The following NEGR1 variants were observed in gnomAD, a reference collection of about 807,000 sequenced individuals.
NEGR1 encodes the protein neuronal growth regulator 1.
A neutral mutation model predicts 40.9 loss-of-function variants in NEGR1; 10 were observed. The observed-to-expected ratio is 0.24, with a 90% CI of 0.15 to 0.42. The LOEUF is 0.42. NEGR1 is among the 10% of genes least tolerant of loss of function. The pLI is 1.00. For synonymous variants in NEGR1, 185 were observed against 166.8 expected (o/e 1.11, Z -0.84); for missense variants, 352 against 438.9 (o/e 0.80, Z 1.77).
chr1:72,082,681 C>T (rs1569933669), intron 1 of NEGR1, among the ~76,000 whole-genome samples: 1 of 150,760 alleles, frequency 6.6e-6, no homozygotes, highest in East Asian at 1.9e-4. Flanking sequence ...AACAACAAAA[C>T]CACAATTAGA....
intron 6 of NEGR1, among the ~76,000 whole-genome samples, chr1:71,570,044 T>C (rs1648760943): frequency 6.6e-6 from 1 of 152,220 alleles, no homozygotes; most frequent in South Asian, 2.1e-4. Context: ...TCTTGATGCC[T>C]ATTTCCTTAA....
intron 4 of NEGR1, among the ~76,000 whole-genome samples, chr1:71,626,325 A>G (rs1171684403): frequency 6.6e-6 from 1 of 151,608 alleles, no homozygotes; most frequent in Non-Finnish European, 1.5e-5. Context: ...CTCGTCATTT[A>G]ATATTAGGTA....
intron 4 of NEGR1, among the ~76,000 whole-genome samples, chr1:71,634,514 G>C (rs774165964): frequency 3.3e-5 from 5 of 152,122 alleles, no homozygotes; most frequent in Admixed American, 6.6e-5. Flanking sequence ...TTCAGCCAAG[G>C]CTGCAGGATG....
At chr1:72,277,990 T>C (rs1444244194) in intron 1 of NEGR1, among the ~76,000 whole-genome samples, 2 of 152,160 alleles carry the variant, frequency 1.3e-5, no homozygotes, top group Non-Finnish European at 2.9e-5. Context: ...CTAGTTAATG[T>C]AGTCTAATAA....
At chr1:71,824,067 T>C (rs141770852) in intron 2 of NEGR1, among the ~76,000 whole-genome samples, 2 of 151,920 alleles carry the variant, frequency 1.3e-5, no homozygotes, top group Non-Finnish European at 2.9e-5. Context: ...TCCTTAAACA[T>C]AAAATATAAT....
At chr1:72,026,645 T>C (rs557104089) in intron 1 of NEGR1, among the ~76,000 whole-genome samples, 7 of 152,074 alleles carry the variant, frequency 4.6e-5, no homozygotes, top group South Asian at 4.1e-4. Flanking sequence ...TCTCCTGAAA[T>C]AGCCCTGGAA....
chr1:72,179,499 T>C (rs527289845), intron 1 of NEGR1, among the ~76,000 whole-genome samples: 35 of 152,230 alleles, frequency 2.3e-4, no homozygotes, highest in Non-Finnish European at 5.0e-4. Flanking sequence ...GGTGAAATGC[T>C]CAGAACAGTG....
intron 1 of NEGR1, among the ~76,000 whole-genome samples, chr1:72,153,945 A>G (rs927926728): frequency 6.6e-6 from 1 of 151,930 alleles, no homozygotes; most frequent in Non-Finnish European, 1.5e-5. Context: ...AGTATAGTAG[A>G]AAGCAGATGG....
At chr1:71,509,068 C>G (rs1302315875) in intron 6 of NEGR1, among the ~76,000 whole-genome samples, 1 of 152,022 alleles carries the variant, frequency 6.6e-6, no homozygotes, top group Admixed American at 6.6e-5. Context: ...AAAAGTGAAC[C>G]TTAGAAATTG....
chr1:71,588,154 T>C (rs1284273029), intron 6 of NEGR1, among the ~76,000 whole-genome samples: 1 of 152,120 alleles, frequency 6.6e-6, no homozygotes, highest in Non-Finnish European at 1.5e-5. Flanking sequence ...AACCCATAGA[T>C]GGCAGGATGG....
At chr1:71,503,267 C>G (rs1647010652) in intron 6 of NEGR1, among the ~76,000 whole-genome samples, 1 of 152,044 alleles carries the variant, frequency 6.6e-6, no homozygotes. Context: ...TAATAAAATC[C>G]CATCCTCATA....
chr1:71,491,514 T>C (rs1646927262), intron 6 of NEGR1, among the ~76,000 whole-genome samples: 1 of 151,542 alleles, frequency 6.6e-6, no homozygotes, highest in African/African-American at 2.4e-5. Context: ...GAAAGTGTTA[T>C]GATGGAGGGG....
chr1:71,849,926 T>C (rs1044238692), intron 2 of NEGR1, among the ~76,000 whole-genome samples: 5 of 152,168 alleles, frequency 3.3e-5, no homozygotes, highest in African/African-American at 1.2e-4. Context: ...TTATATGCAC[T>C]GGGAAACCCA....
In NEGR1 at chr1:71,805,599, A is replaced by G. The variant is rs557817038; in HGVS notation, c.410-29302T>C. 3.3e-5 allele frequency among the ~76,000 whole-genome samples: 5 copies of G among 152,296 alleles called. No individual in the cohort carries two copies. In the East Asian group the frequency reaches 5.8e-4, roughly 18 times the overall value. ...CACTTTCAAGGATAGTAACACACCA[A>G]CATAATTTTAGAGATAATTGGAATG... is the stretch of plus-strand genomic sequence containing the variant. On this transcript the variant is annotated intron_variant, in intron 2 of 6. Transcript: ENST00000357731.
intron 3 of NEGR1, among the ~76,000 whole-genome samples, chr1:71,766,837 A>G (rs1420975915): frequency 1.3e-5 from 2 of 152,120 alleles, no homozygotes; most frequent in Non-Finnish European, 2.9e-5. Context: ...GAGAGTTCTC[A>G]TGACATCTTG....
chr1:71,831,201 A>G (rs1488781895), intron 2 of NEGR1, among the ~76,000 whole-genome samples: 3 of 151,974 alleles, frequency 2.0e-5, no homozygotes, highest in Admixed American at 2.0e-4. Flanking sequence ...TTGCTGGGAC[A>G]GACACTGGAA....
intron 1 of NEGR1, among the ~76,000 whole-genome samples, chr1:72,126,167 G>T (rs1301139318): frequency 1.3e-5 from 2 of 151,504 alleles, no homozygotes; most frequent in African/African-American, 2.4e-5. Flanking sequence ...AACGGAGAGA[G>T]GGAGAGAGAA....
In NEGR1 at chr1:71,573,465, C is replaced by G. The variant is rs377702913; in HGVS notation, c.940+19352G>C. The G allele has an allele frequency of 3.3e-5, 5 of 152,208 alleles. No individual in the cohort carries two copies. In the East Asian group the frequency reaches 9.7e-4, roughly 29 times the overall value. 9.4% of individuals were successfully genotyped at this position (152,208 alleles called of 1,614,324 possible). A position where few individuals can be genotyped will look rare whatever the true frequency, so the allele number is the denominator to read the frequency against. ...TCTCATTGTGATCTGGTGTTCTTTA[C>G]AAGTCTAACTACAGAGAATGAATGG... On this transcript the variant is annotated intron_variant, in intron 6 of 6. Transcript: ENST00000357731.
intron 3 of NEGR1, among the ~76,000 whole-genome samples, chr1:71,735,116 A>G (rs1177365827): frequency 6.6e-6 from 1 of 152,108 alleles, no homozygotes; most frequent in Non-Finnish European, 1.5e-5. Context: ...CAACATGTTC[A>G]TATGGATGCC....
Sources: allele counts gnomAD v4.1 joint callset (sites outside exome capture counted in the v4.1 genomes callset), GRCh38; gene constraint gnomAD v4.1.1; transcripts MANE v1.5; gene names NCBI Gene and HGNC (gene_info 2026-07-23, HGNC 2026-07-21).